PGS1: variants seen among roughly 807,000 people sequenced by gnomAD.
The protein encoded by PGS1 is CDP-diacylglycerol--glycerol-3-phosphate 3-phosphatidyltransferase, mitochondrial.
PGS1 carries 44 observed loss-of-function variants against 58.3 expected under a neutral mutation model. The ratio of observed to expected loss-of-function variants is 0.75; its 90% CI spans 0.59 to 0.97. The LOEUF is 0.97. Ranked by LOEUF, PGS1 falls within the 50% of genes least tolerant of loss-of-function variation. PGS1 has a pLI of 0.00. For missense variants in PGS1, 684 were observed against 731.1 expected (o/e 0.94, Z 0.74); for synonymous variants, 330 against 311.0 (o/e 1.06, Z -0.64).
intron 7 of PGS1, among the ~76,000 whole-genome samples, 190 bp downstream of exon 7, chr17:78,404,279 ATTTTTT>A (rs34032688): frequency 1.2e-4 from 15 of 122,644 alleles, no homozygotes; most frequent in African/African-American, 9.4e-5. Flanking sequence ...CCTCAAGGGA[ATTTTTT>A]TTTTTTTTTT....
At chr17:78,416,884 C>T (rs1423125232) in intron 8 of PGS1, among the ~76,000 whole-genome samples, 1 of 152,186 alleles carries the variant, frequency 6.6e-6, no homozygotes, top group Admixed American at 6.5e-5. Context: ...CAGCCTCTAG[C>T]CTCCCCACAA....
intron 7 of PGS1, among the ~76,000 whole-genome samples, chr17:78,414,169 C>T (rs1252541379): frequency 2.0e-5 from 3 of 152,218 alleles, no homozygotes; most frequent in Non-Finnish European, 4.4e-5. Flanking sequence ...AATAGGGAGG[C>T]TGGGTCAGGG....
chr17:78,398,449 G>C (rs1231568476), intron 4 of PGS1, 98 bp downstream of exon 4: 7 of 823,928 alleles, frequency 8.5e-6, no homozygotes, highest in African/African-American at 1.7e-5. Context: ...GCAGAGTCAA[G>C]GCTATTTGAA....
intron 7 of PGS1, among the ~76,000 whole-genome samples, chr17:78,408,913 A>C (rs1307831522): frequency 6.6e-6 from 1 of 152,028 alleles, no homozygotes; most frequent in Non-Finnish European, 1.5e-5. Context: ...ACACATCTGG[A>C]TGGGTGCTGA....
chr17:78,413,462 ACT>A (rs2084901647), intron 7 of PGS1, among the ~76,000 whole-genome samples: 1 of 151,938 alleles, frequency 6.6e-6, no homozygotes. Context: ...GCTTGCCCTC[ACT>A]CACAGCTGCT....
chr17:78,399,363 G>A lies in PGS1; in HGVS notation c.527G>A (p.Arg176His), dbSNP rs370123455. Residue 176 changes from arginine (R) to histidine (H), a missense_variant, in exon 5 of 10, where the codon CGC (arginine) becomes CAC (histidine). Physicochemically the swap from Arg to His is conservative, Grantham distance 29. Coordinates refer to ENST00000262764, the MANE Select transcript of PGS1 (RefSeq NM_024419.5). ...TRGSRGRKNS[R>H]TMLLPLLRRF... ...CCGTGTTCAGGCCGGAAGAACTCCC[G>A]CACAATGCTGCTCCCACTCCTGCGG... is the stretch of plus-strand genomic sequence containing the variant. The A allele has an allele frequency of 1.5e-5, 24 of 1,613,834 alleles. No individual in the cohort carries two copies. Among genetic ancestry groups the A allele is most frequent in the Non-Finnish European group, 1.9e-5 (22 of 1,179,940 alleles).
chr17:78,420,318 C>G (rs2085599154), intron 9 of PGS1: 2 of 715,070 alleles, frequency 2.8e-6, no homozygotes, highest in South Asian at 6.2e-5. Context: ...CCCACAGTCA[C>G]CTGAGGTACC....
chr17:78,388,681 C>T (rs2082585094), intron 1 of PGS1, among the ~76,000 whole-genome samples: 1 of 152,136 alleles, frequency 6.6e-6, no homozygotes, highest in East Asian at 1.9e-4. Context: ...CACTTCCTGC[C>T]TGAAACACCC....
In PGS1 at chr17:78,384,861, G is replaced by A. The variant is rs189023000; in HGVS notation, c.143+6053G>A. Among the ~76,000 whole-genome samples, 349 of 152,368 alleles carry A rather than the reference G, an allele frequency of 2.3e-3. 3 individuals are homozygous for A. Among genetic ancestry groups the A allele is most frequent in the Admixed American group, 0.02 (313 of 15,304 alleles). ...AAACACGTGTTCTCTGACACCGGGA[G>A]AAGATGTGGAAGGGACGTCTAAAGG... On this transcript the variant is annotated intron_variant, in intron 1 of 9. Coordinates refer to ENST00000262764, the MANE Select transcript of PGS1 (RefSeq NM_024419.5).
At chr17:78,410,079 C>T (rs2084503039) in intron 7 of PGS1, among the ~76,000 whole-genome samples, 1 of 151,768 alleles carries the variant, frequency 6.6e-6, no homozygotes, top group African/African-American at 2.4e-5. Flanking sequence ...CCACTGTACC[C>T]CAGTGTGGGT....
chr17:78,421,909 G>C (rs1038120996), intron 9 of PGS1: 1 of 152,182 alleles, frequency 6.6e-6, no homozygotes, highest in African/African-American at 2.4e-5. Flanking sequence ...GCGGGCGGCG[G>C]GCGGCGGCCG....
chr17:78,423,727 A>T, intron 9 of PGS1: 1 of 770,382 alleles, frequency 1.3e-6, no homozygotes, highest in Non-Finnish European at 2.1e-6. Context: ...AATCTGCCCC[A>T]CCTCTTCCAC....
rs897529863 is a variant in PGS1, at chr17:78,396,361, G to T, written c.387G>T (p.Gly129=). Residue 129 remains glycine, a synonymous_variant, in exon 3 of 10, where the codon GGG becomes GGT. Coordinates refer to ENST00000262764, the MANE Select transcript of PGS1 (RefSeq NM_024419.5). ...RRVVMASLYL[G]TGPLEQELVD... Reference sequence around the variant, plus strand: ...TCGTGATGGCATCCCTCTACCTGGGGACAGGTCCTTTGGAACAGGAGCTGG... The same window carrying T: ...TCGTGATGGCATCCCTCTACCTGGGTACAGGTCCTTTGGAACAGGAGCTGG... The T allele has an allele frequency of 6.2e-7, 1 of 1,613,026 alleles. No homozygotes were observed. The highest frequency in any genetic ancestry group is 8.5e-7 in the Non-Finnish European group (1 of 1,179,346).
intron 9 of PGS1, among the ~76,000 whole-genome samples, chr17:78,423,297 T>TC (rs759837611): frequency 3.3e-5 from 5 of 152,008 alleles, no homozygotes; most frequent in Non-Finnish European, 7.4e-5. Flanking sequence ...GTCCTACAGG[T>TC]CCGGGGCTTG....
At chr17:78,408,484 G>A (rs1456233282) in intron 7 of PGS1, among the ~76,000 whole-genome samples, 2 of 152,192 alleles carry the variant, frequency 1.3e-5, no homozygotes, top group African/African-American at 2.4e-5. Context: ...TAAAATAACC[G>A]TATGGTTCCT....
At chr17:78,412,439 C>G (rs1309234028) in intron 7 of PGS1, among the ~76,000 whole-genome samples, 1 of 152,110 alleles carries the variant, frequency 6.6e-6, no homozygotes, top group South Asian at 2.1e-4. Context: ...TCTACAGATA[C>G]GTATACAGTC....
chr17:78,413,033 A>C (rs1015794506), intron 7 of PGS1, among the ~76,000 whole-genome samples: 1 of 152,230 alleles, frequency 6.6e-6, no homozygotes, highest in Non-Finnish European at 1.5e-5. Context: ...CATCTGGATC[A>C]GAGCCACCAG....
intron 1 of PGS1, among the ~76,000 whole-genome samples, chr17:78,389,329 G>A (rs1051226644): frequency 2.0e-5 from 3 of 151,918 alleles, no homozygotes; most frequent in African/African-American, 7.3e-5. Context: ...GGGACTACAG[G>A]TGTGTGCGCC....
chr17:78,398,261 C>G lies in PGS1; in HGVS notation c.421C>G (p.Leu141Val), dbSNP rs1282896172. 1 of 1,611,516 alleles carries G rather than the reference C, an allele frequency of 6.2e-7. No homozygotes were observed. Among genetic ancestry groups the G allele is most frequent in the South Asian group, 1.1e-5 (1 of 91,048 alleles). ...GPLEQELVDC[L>V]ESTLEKSLQA... is the part of the protein sequence containing the mutation. ...TGTTCTTTCTTGGTAGGTGGACTGC[C>G]TGGAAAGTACTCTAGAAAAGTCACT... Residue 141 changes from leucine to valine, a missense_variant, in exon 4 of 10, where the codon CTG becomes GTG. By Grantham distance (32) the Leu-to-Val change is conservative. Transcript: ENST00000262764.
Sources: allele counts gnomAD v4.1 joint callset (sites outside exome capture counted in the v4.1 genomes callset), GRCh38; gene constraint gnomAD v4.1.1; transcripts MANE v1.5; gene names NCBI Gene and HGNC (gene_info 2026-07-23, HGNC 2026-07-21).